Variants in SLC2A9 observed in about 807,000 individuals in gnomAD.
SLC2A9 encodes the protein solute carrier family 2 member 9, also known as solute carrier family 2, facilitated glucose transporter member 9.
A neutral mutation model predicts 50.6 loss-of-function variants in SLC2A9; 39 were observed. That is an observed-to-expected ratio of 0.77 (90% CI 0.60 to 1.01). The LOEUF (loss-of-function observed/expected upper bound fraction) is 1.01. Ranked by LOEUF, SLC2A9 falls within the 50% of genes least tolerant of loss-of-function variation. SLC2A9 has a pLI of 0.00. For synonymous variants in SLC2A9, 324 were observed against 276.9 expected (o/e 1.17, Z -1.69); for missense variants, 686 against 677.6 (o/e 1.01, Z -0.14).
chr4:9,980,138 CTACT>C (rs1220325212), intron 5 of SLC2A9, among the ~76,000 whole-genome samples: 3 of 152,156 alleles, frequency 2.0e-5, no homozygotes, highest in African/African-American at 7.2e-5. Flanking sequence ...CCGGAAGACT[CTACT>C]TACTTATCTA....
At chr4:9,780,895 G>C (rs1175283930) in intron 3 of SLC2A9, among the ~76,000 whole-genome samples, 1 of 152,146 alleles carries the variant, frequency 6.6e-6, no homozygotes, top group African/African-American at 2.4e-5. Flanking sequence ...GGCTGTAAAA[G>C]TGCCCTGCAA....
intron 5 of SLC2A9, among the ~76,000 whole-genome samples, chr4:9,965,296 G>A (rs990082444): frequency 2.0e-5 from 3 of 152,222 alleles, no homozygotes; most frequent in African/African-American, 7.2e-5. Flanking sequence ...TGCAGAGGCT[G>A]TTTTGGGCCT....
intron 2 of SLC2A9, among the ~76,000 whole-genome samples, chr4:10,008,727 C>T (rs1349684844): frequency 6.6e-6 from 1 of 152,098 alleles, no homozygotes; most frequent in African/African-American, 2.4e-5. Context: ...CCAAGTGTAC[C>T]ATCTATTAGC....
At chr4:9,795,107 G>A (rs1466447428), downstream of SLC2A9, among the ~76,000 whole-genome samples, 9 of 146,988 alleles carry the variant, frequency 6.1e-5, no homozygotes, top group African/African-American at 1.5e-4. Flanking sequence ...CATCTCCCGG[G>A]TTCAAGCAAT....
intron 3 of SLC2A9, among the ~76,000 whole-genome samples, chr4:9,992,266 T>C (rs1050921421): frequency 6.6e-5 from 10 of 152,216 alleles, no homozygotes; most frequent in Non-Finnish European, 7.3e-5. Flanking sequence ...TCTCAAGGCA[T>C]TTAAGATGTG....
intron 1 of SLC2A9, among the ~76,000 whole-genome samples, chr4:10,030,383 T>C (rs1265868826): frequency 2.0e-5 from 3 of 152,200 alleles, no homozygotes; most frequent in Admixed American, 2.0e-4. Flanking sequence ...TATGATACTA[T>C]AATGGTAAAT....
chr4:9,854,674 G>C (rs1036473888), intron 10 of SLC2A9, among the ~76,000 whole-genome samples: 7 of 152,102 alleles, frequency 4.6e-5, no homozygotes, highest in Non-Finnish European at 7.4e-5. Context: ...TAAAACTTCA[G>C]GCCAATATCC....
chr4:9,958,220 T>C lies in SLC2A9; in HGVS notation c.682-16175A>G, dbSNP rs536942004. On this transcript the variant is annotated intron_variant, in intron 5 of 11. Transcript: ENST00000264784. The stretch of plus-strand genomic sequence containing the variant: ...TATAGAATAAAGACATTTTTAGACA[T>C]GGAAAGTCTCAAAAGCTTTGTCTTC... Among the ~76,000 whole-genome samples, 68 of 152,344 alleles carry C rather than the reference T, an allele frequency of 4.5e-4. 2 individuals carry two copies. Among genetic ancestry groups the C allele is most frequent in the African/African-American group, 1.4e-3 (57 of 41,584 alleles).
intron 7 of SLC2A9, among the ~76,000 whole-genome samples, chr4:9,918,632 C>A (rs533620849): frequency 6.6e-6 from 1 of 152,306 alleles, no homozygotes; most frequent in African/African-American, 2.4e-5. Flanking sequence ...ATGGGGACAG[C>A]TCCTGGCCCA....
downstream of SLC2A9, chr4:9,798,881 C>T (rs1000882874): frequency 6.6e-6 from 1 of 152,198 alleles, no homozygotes; most frequent in African/African-American, 2.4e-5. Context: ...GAAACTAATA[C>T]TTATTCTAGG....
chr4:9,856,863 A>G (rs1266685110), intron 10 of SLC2A9, among the ~76,000 whole-genome samples: 1 of 152,222 alleles, frequency 6.6e-6, no homozygotes, highest in Non-Finnish European at 1.5e-5. Context: ...TAATATAGAA[A>G]CAGAAAACCA....
chr4:9,888,331 T>C (rs1736691670), intron 9 of SLC2A9, among the ~76,000 whole-genome samples: 2 of 151,836 alleles, frequency 1.3e-5, no homozygotes, highest in East Asian at 3.9e-4. Flanking sequence ...TAAAGGCTTC[T>C]ATATTTTGCT....
At chr4:9,876,575 A>T (rs1734356133) in intron 10 of SLC2A9, among the ~76,000 whole-genome samples, 1 of 152,020 alleles carries the variant, frequency 6.6e-6, no homozygotes, top group African/African-American at 2.4e-5. Context: ...TGGGTGACAG[A>T]GCGAGACCCT....
At chr4:9,881,556 A>T (rs1735214161) in intron 10 of SLC2A9, among the ~76,000 whole-genome samples, 1 of 152,186 alleles carries the variant, frequency 6.6e-6, no homozygotes, top group Non-Finnish European at 1.5e-5. Context: ...GAAAGAAAAT[A>T]TATTAGGCTT....
intron 3 of SLC2A9, among the ~76,000 whole-genome samples, chr4:9,987,080 C>G (rs1047370927): frequency 6.6e-6 from 1 of 152,148 alleles, no homozygotes; most frequent in African/African-American, 2.4e-5. Context: ...ATTTTATAAA[C>G]AAGTTAACTA....
At chr4:9,879,737 G>A (rs900723406) in intron 10 of SLC2A9, 2 of 985,270 alleles carry the variant, frequency 2.0e-6, no homozygotes, top group African/African-American at 3.5e-5. Flanking sequence ...TTGGTGCCAG[G>A]CACAGAGTCA....
chr4:9,907,166 C>T (rs1740831974), intron 8 of SLC2A9, among the ~76,000 whole-genome samples: 3 of 152,322 alleles, frequency 2.0e-5, no homozygotes, highest in South Asian at 4.1e-4. Context: ...TAATTTTAGC[C>T]CTCTCTTTCC....
At chr4:10,005,206 T>A (rs1760568532) in intron 2 of SLC2A9, among the ~76,000 whole-genome samples, 1 of 152,144 alleles carries the variant, frequency 6.6e-6, no homozygotes, top group Non-Finnish European at 1.5e-5. Flanking sequence ...AGAAAGGCTG[T>A]GGAATCCAAG....
intron 2 of SLC2A9, among the ~76,000 whole-genome samples, chr4:10,001,932 C>T (rs1560468633): frequency 6.6e-6 from 1 of 152,236 alleles, no homozygotes; most frequent in African/African-American, 2.4e-5. Flanking sequence ...CTCCCAGCAT[C>T]CTCTGCAGCT....
Sources: allele counts gnomAD v4.1 joint callset (sites outside exome capture counted in the v4.1 genomes callset), GRCh38; gene constraint gnomAD v4.1.1; transcripts MANE v1.5; gene names NCBI Gene and HGNC (gene_info 2026-07-23, HGNC 2026-07-21).